Variants in CCDC154 observed in about 807,000 individuals in gnomAD.
The protein encoded by CCDC154 is coiled-coil domain containing 154, also known as coiled-coil domain-containing protein 154.
A neutral mutation model predicts 87.5 loss-of-function variants in CCDC154; 91 were observed. That is an observed-to-expected ratio of 1.04 (90% CI 0.88 to 1.24). CCDC154 has a LOEUF of 1.24. Among genes scored for constraint, CCDC154 ranks in the 50% most tolerant of loss-of-function variants. CCDC154 has a pLI of 0.00. For missense variants in CCDC154, 903 were observed against 879.2 expected, an observed-to-expected ratio of 1.03 and a Z score of -0.34; for synonymous variants, 418 against 400.4, an observed-to-expected ratio of 1.04 and a Z score of -0.52.
intron 4 of CCDC154, 63 bp downstream of exon 4, chr16:1,443,198 C>T: frequency 2.0e-6 from 3 of 1,532,840 alleles, no homozygotes; most frequent in Non-Finnish European, 2.6e-6. Context: ...ACCACACCTG[C>T]CGCTGCTTTC....
At position 1,435,371 on chromosome 16, in the gene CCDC154, G is replaced by A. The variant is rs1034178718; in HGVS notation, c.1606-196C>T. ...AGCGGCAGCCTGAGAGTGGCCCTGC[G>A]GGGACCTGGCCAGGGCTCAGGGTTG... On this transcript the variant is annotated intron_variant, in intron 14 of 16. Coordinates refer to ENST00000389176, the MANE Select transcript of CCDC154 (RefSeq NM_001143980.3). 17 of 613,140 alleles carry A rather than the reference G, an allele frequency of 2.8e-5. 1 individual carries two copies. The highest frequency in any genetic ancestry group is 4.2e-4 in the Middle Eastern group (1 of 2,378). The allele number at this position is 613,140 out of a possible 1,614,324, so 38.0% of individuals were successfully genotyped here. A position where few individuals can be genotyped will look rare whatever the true frequency, so the allele number is the denominator to read the frequency against.
chr16:1,442,343 G>A, intron 6 of CCDC154, 63 bp downstream of exon 6: 1 of 1,474,308 alleles, frequency 6.8e-7, no homozygotes. Context: ...CACAGGCCGA[G>A]AGGGTTAGGG....
chr16:1,437,010 G>A, intron 11 of CCDC154, 199 bp from the exon 12 acceptor site: 2 of 698,932 alleles, frequency 2.9e-6, no homozygotes, highest in South Asian at 1.9e-5. Context: ...GGCAGGGCCT[G>A]GGCAGCCGAG....
At chr16:1,443,055 C>T in intron 4 of CCDC154, 80 bp from the exon 5 acceptor site, 1 of 1,484,466 alleles carries the variant, frequency 6.7e-7, no homozygotes, top group Non-Finnish European at 9.2e-7. Context: ...CCAAGGGGCC[C>T]CTGTGGCCAC....
chr16:1,443,457 A>T, intron 3 of CCDC154, 49 bp downstream of exon 3: 1 of 1,431,748 alleles, frequency 7.0e-7, no homozygotes, highest in South Asian at 1.5e-5. Flanking sequence ...AGCTGCCCCC[A>T]ACACCCAGGA....
Position 1,444,509 on chromosome 16 carries a change from A to G in CCDC154, c.-187T>C. 1 of 463,420 alleles carries G rather than the reference A, an allele frequency of 2.2e-6. No homozygotes were observed. Among genetic ancestry groups the G allele is most frequent in the Non-Finnish European group, 3.6e-6 (1 of 280,560 alleles). The allele number at this position is 463,420 out of a possible 1,614,324, so 28.7% of individuals were successfully genotyped here. A position where few individuals can be genotyped will look rare whatever the true frequency, so the allele number is the denominator to read the frequency against. The stretch of plus-strand genomic sequence containing the variant: ...GCCTTCTCAGGGTCCCCAGGGAGGC[A>G]GGTGTGGGGCAGCGGGGCCGTTCCA... On this transcript the variant is annotated 5_prime_UTR_variant, in exon 1 of 17. Transcript: ENST00000389176.
intron 9 of CCDC154, chr16:1,438,386 T>C: frequency 1.4e-6 from 1 of 732,572 alleles, no homozygotes. Context: ...AAGACAGGGG[T>C]TCCCTCCCCA....
chr16:1,436,745 C>G lies in CCDC154; in HGVS notation c.1357G>C (p.Val453Leu), dbSNP rs759469892. The change falls in exon 12 of 17, where the codon GTG (valine) becomes CTG (leucine). Residue 453 changes from valine (V) to leucine (L), a missense_variant. Coordinates refer to ENST00000389176, the MANE Select transcript of CCDC154 (RefSeq NM_001143980.3). ...CGCACCCCTCGCAGGTGTTCGGTCA[C>G]CTCCTTCCGCCACCTGGCCAGGTCC... ...LEDLARWRKEVTEHLRGVREK... is the reference protein window; with the variant it reads ...LEDLARWRKELTEHLRGVREK... 24 of 1,550,502 alleles carry G rather than the reference C, an allele frequency of 1.5e-5. No homozygotes were observed. In the South Asian group the frequency reaches 2.6e-4, roughly 17 times the overall value.
At position 1,443,911 on chromosome 16, in the gene CCDC154, G is replaced by A. The variant is rs113602113; in HGVS notation, c.109C>T (p.Pro37Ser). The change falls in exon 2 of 17, where the codon CCC (proline) becomes TCC (serine). Residue 37 changes from proline to serine, a missense_variant. By Grantham distance (74) the Pro-to-Ser change is moderately conservative. Transcript: ENST00000389176. ...AGCTCCTCCAGGCTCAAGGGCTCGG[G>A]GCTGGCCAGGCCTCCTGCCAGGAGG... is the stretch of plus-strand genomic sequence containing the variant. Reference protein sequence around the residue: ...GLLLAGGLASPEPLSLEELSE... With the variant: ...GLLLAGGLASSEPLSLEELSE... 10 of 1,304,104 alleles carry A rather than the reference G, an allele frequency of 7.7e-6. No homozygotes were observed. The highest frequency in any genetic ancestry group is 1.0e-5 in the Non-Finnish European group (10 of 988,958). 80.8% of individuals were successfully genotyped at this position (1,304,104 alleles called of 1,614,324 possible). A position where few individuals can be genotyped will look rare whatever the true frequency, so the allele number is the denominator to read the frequency against.
chr16:1,438,482 C>T (rs1398473292), intron 9 of CCDC154, 137 bp downstream of exon 9: 3 of 860,380 alleles, frequency 3.5e-6, no homozygotes, highest in African/African-American at 3.4e-5. Context: ...CACCATCCAG[C>T]TGCAGCCCTC....
chr16:1,437,167 C>G, intron 11 of CCDC154: 1 of 328,750 alleles, frequency 3.0e-6, no homozygotes, highest in Non-Finnish European at 5.8e-6. Context: ...GGGGCGGCGC[C>G]TACGCAATGC....
intron 4 of CCDC154, 101 bp downstream of exon 4, chr16:1,443,160 G>A (rs1026290922): frequency 2.6e-5 from 37 of 1,423,486 alleles, no homozygotes; most frequent in Admixed American, 4.4e-5. Context: ...CCACTCCAGC[G>A]ACACCCAGCG....
At chr16:1,438,546 A>T in intron 9 of CCDC154, 73 bp downstream of exon 9, 3 of 1,364,220 alleles carry the variant, frequency 2.2e-6, no homozygotes, top group Non-Finnish European at 2.0e-6. Context: ...TGAGTCGGCC[A>T]CTGCGGCCCC....
Position 1,434,440 on chromosome 16 carries a change from G to A in CCDC154, c.1972C>T (p.Gln658Ter). ...EKPHSQEQVQ[Q>*]LTPSLFIQK ...TGGATAAACAGTGAGGGTGTGAGCT[G>A]CTGCACCTGCTCCTGGCTGTGGGGC... The change falls in exon 17 of 17, where the codon CAG (glutamine) becomes TAG (stop). Residue 658 changes from glutamine (Q) to a stop codon, truncating the protein, a stop_gained. Coordinates refer to ENST00000389176, the MANE Select transcript of CCDC154 (RefSeq NM_001143980.3). LOFTEE classifies it low-confidence loss of function (END_TRUNC). The A allele has an allele frequency of 6.5e-7, 1 of 1,550,364 alleles. No homozygotes were observed. The highest frequency in any genetic ancestry group is 8.7e-7 in the Non-Finnish European group (1 of 1,146,896).
rs995904912 is a variant in CCDC154 at position 1,437,187 on chromosome 16, C to A, written c.1291-376G>T. The A allele has an allele frequency of 4.0e-5, 11 of 272,078 alleles. No individual in the cohort carries two copies. The East Asian group carries it at 1.0e-3, about 25-fold the overall frequency. The allele number at this position is 272,078 out of a possible 1,614,324, so 16.9% of individuals were successfully genotyped here. A position where few individuals can be genotyped will look rare whatever the true frequency, so the allele number is the denominator to read the frequency against. ...GGCGCCTACGCAATGCACGTTACGC[C>A]GCGGTGGAAGGGGTGAAGCTCTGCG... is the stretch of plus-strand genomic sequence containing the variant. On this transcript the variant is annotated intron_variant, in intron 11 of 16. Transcript: ENST00000389176.
chr16:1,441,120 A>G (rs1192809907), intron 6 of CCDC154, among the ~76,000 whole-genome samples: 1 of 152,130 alleles, frequency 6.6e-6, no homozygotes, highest in East Asian at 1.9e-4. Flanking sequence ...CCCTGTCTCA[A>G]AACAAAAAAC....
At position 1,443,538 on chromosome 16, in the gene CCDC154, C is replaced by T. The variant is rs1351708874; in HGVS notation, c.382G>A (p.Ala128Thr). Residue 128 changes from alanine (A) to threonine (T), a missense_variant, in exon 3 of 17, where the codon GCA becomes ACA. By Grantham distance (58) the Ala-to-Thr change is moderately conservative (BLOSUM62 0). Transcript: ENST00000389176. ...LRQLQQEARP[A>T]AQAPEKEAPE... ...GCCTCCTTTTCGGGGGCCTGGGCTGCCGGCCGCGCCTCCTGCTGCAACTGC... is the reference window on the plus strand; with the variant it reads ...GCCTCCTTTTCGGGGGCCTGGGCTGTCGGCCGCGCCTCCTGCTGCAACTGC... The T allele has an allele frequency of 1.4e-6, 2 of 1,474,792 alleles. No homozygotes were observed. The highest frequency in any genetic ancestry group is 8.9e-7 in the Non-Finnish European group (1 of 1,119,744). The allele number at this position is 1,474,792 out of a possible 1,614,324, so 91.4% of individuals were successfully genotyped here. A position where few individuals can be genotyped will look rare whatever the true frequency, so the allele number is the denominator to read the frequency against.
At chr16:1,439,217 C>A in intron 6 of CCDC154, 91 bp from the exon 7 acceptor site, 1 of 1,133,154 alleles carries the variant, frequency 8.8e-7, no homozygotes, top group African/African-American at 1.5e-5. Context: ...GAGTTGGAGT[C>A]CCCTGCTGTC....
rs1259500767 is a variant in CCDC154, at chr16:1,442,536, A to T, written c.552-7T>A. ...GTCGGTCAGCTTGGCCAGTCTAGAG[A>T]AGTCGGCTGTGGTCACACCAGCCCA... is the stretch of plus-strand genomic sequence containing the variant. On this transcript the variant is annotated splice_region_variant and splice_polypyrimidine_tract_variant and intron_variant, in intron 5 of 16. Transcript: ENST00000389176. 1.3e-5 allele frequency: 20 copies of T among 1,533,900 alleles called. No homozygotes were observed. The Admixed American group carries it at 2.0e-4, about 16-fold the overall frequency.
Sources: gnomAD v4.1 joint callset for allele counts (sites outside exome capture counted in the v4.1 genomes callset) on GRCh38, gnomAD v4.1.1 for gene constraint, MANE v1.5 for transcripts, NCBI Gene and HGNC (gene_info 2026-07-23, HGNC 2026-07-21) for gene names.